The following DYSF variants were observed in gnomAD, a reference collection of about 807,000 sequenced individuals.
The protein encoded by DYSF is dysferlin.
In DYSF, 212 loss-of-function variants were observed where a neutral mutation model predicts 274.9. The observed-to-expected ratio is 0.77, with a 90% CI of 0.69 to 0.86. The LOEUF (loss-of-function observed/expected upper bound fraction) is 0.86, where lower values mean the gene tolerates loss of function less well. Among genes scored for constraint, DYSF ranks in the 40% least tolerant of loss-of-function variants. The pLI is 0.00. For synonymous variants in DYSF, 1,091 were observed against 1,078.7 expected (o/e 1.01, Z -0.22); for missense variants, 2,666 against 2,783.2 (o/e 0.96, Z 0.95).
At chr2:71,519,338 G>C (rs1258663818) in intron 10 of DYSF, among the ~76,000 whole-genome samples, 1 of 151,756 alleles carries the variant, frequency 6.6e-6, no homozygotes, top group Non-Finnish European at 1.5e-5. Context: ...AGAACCCAAG[G>C]GTTAAGTCAA....
chr2:71,548,328 T>C (rs545433752), intron 17 of DYSF, among the ~76,000 whole-genome samples: 114 of 152,342 alleles, frequency 7.5e-4, no homozygotes, highest in African/African-American at 2.5e-3. Flanking sequence ...GACTTCTGAC[T>C]GCAGTCACAG....
chr2:71,528,979 C>T (rs2088317421), intron 14 of DYSF, among the ~76,000 whole-genome samples: 1 of 152,040 alleles, frequency 6.6e-6, no homozygotes, highest in Non-Finnish European at 1.5e-5. Context: ...CCTGGCAGCC[C>T]CAGCCCTCCC....
At chr2:71,657,744 C>T (rs565901104) in intron 43 of DYSF, among the ~76,000 whole-genome samples, 75 of 152,130 alleles carry the variant, frequency 4.9e-4, no homozygotes, top group Middle Eastern at 3.4e-3. Flanking sequence ...CTTTCAGCCA[C>T]GGTTGGAGCA....
intron 3 of DYSF, among the ~76,000 whole-genome samples, chr2:71,483,565 G>A (rs1318113866): frequency 6.6e-6 from 1 of 152,204 alleles, no homozygotes; most frequent in Admixed American, 6.5e-5. Context: ...GTGAGAAGTG[G>A]GTGGTGGGGA....
At chr2:71,466,110 C>T (rs1002511041), upstream of DYSF, among the ~76,000 whole-genome samples, 1 of 152,158 alleles carries the variant, frequency 6.6e-6, no homozygotes, top group African/African-American at 2.4e-5. Flanking sequence ...ACCCGGGGGT[C>T]CCAGCAAACC....
At chr2:71,623,396 AT>A (rs1431564813) in intron 41 of DYSF, among the ~76,000 whole-genome samples, 1 of 142,762 alleles carries the variant, frequency 7.0e-6, no homozygotes, top group African/African-American at 2.7e-5. Context: ...TCATTGTTCA[AT>A]TCCCACCTAT....
chr2:71,554,048 A>G (rs1272485522), intron 21 of DYSF, 117 bp downstream of exon 21: 2 of 1,498,316 alleles, frequency 1.3e-6, no homozygotes, highest in African/African-American at 1.4e-5. Flanking sequence ...GGCTGTGCCT[A>G]CTGACCTTTG....
chr2:71,607,265 A>G (rs1314858328), intron 36 of DYSF, among the ~76,000 whole-genome samples: 1 of 152,188 alleles, frequency 6.6e-6, no homozygotes, highest in Non-Finnish European at 1.5e-5. Context: ...TCCAAGCCTC[A>G]AAGCTAAAAG....
intron 46 of DYSF, 64 bp from the exon 47 acceptor site, chr2:71,665,098 A>C: frequency 6.2e-7 from 1 of 1,608,900 alleles, no homozygotes; most frequent in East Asian, 2.2e-5. Flanking sequence ...CAGTCCCTGC[A>C]TGCCCCTCTA....
intron 22 of DYSF, among the ~76,000 whole-genome samples, chr2:71,560,859 G>GTGACT (rs1302556291): frequency 6.6e-6 from 1 of 152,118 alleles, no homozygotes; most frequent in Non-Finnish European, 1.5e-5. Flanking sequence ...AGTCAAGGGG[G>GTGACT]TGAGGTGGGG....
intron 53 of DYSF, 95 bp from the exon 54 acceptor site, chr2:71,680,906 A>T: frequency 3.2e-6 from 3 of 950,316 alleles, no homozygotes; most frequent in Admixed American, 2.1e-5. Context: ...TTTTTAAATA[A>T]TGAAGTGGCC....
chr2:71,581,614 C>T (rs906775431), intron 30 of DYSF, among the ~76,000 whole-genome samples: 1 of 152,202 alleles, frequency 6.6e-6, no homozygotes, highest in African/African-American at 2.4e-5. Flanking sequence ...GTGCTTTGAG[C>T]TCTGATGGGG....
chr2:71,469,739 A>T (rs1390769701), intron 1 of DYSF, among the ~76,000 whole-genome samples: 1 of 152,140 alleles, frequency 6.6e-6, no homozygotes, highest in Non-Finnish European at 1.5e-5. Flanking sequence ...AATACTTCTC[A>T]TTCTTTTGTT....
At chr2:71,666,088 G>A (rs2094999022) in intron 47 of DYSF, among the ~76,000 whole-genome samples, 2 of 149,100 alleles carry the variant, frequency 1.3e-5, no homozygotes, top group Admixed American at 1.3e-4. Flanking sequence ...CCAGGTCATG[G>A]CTGAGCCAGG....
At chr2:71,517,955 G>A (rs1416248167) in intron 10 of DYSF, among the ~76,000 whole-genome samples, 3 of 152,154 alleles carry the variant, frequency 2.0e-5, no homozygotes, top group African/African-American at 7.2e-5. Context: ...CTCTGGGAAG[G>A]CCGTGTGAGA....
chr2:71,454,949 G>GTT (rs2080994053), intron 1 of DYSF, among the ~76,000 whole-genome samples: 1 of 152,122 alleles, frequency 6.6e-6, no homozygotes, highest in South Asian at 2.1e-4. Context: ...GAAGAACTAG[G>GTT]GGGAAAGAGT....
At position 71,653,713 on chromosome 2, in the gene DYSF, T is replaced by A. The variant is rs1185200905; in HGVS notation, c.4627-2449T>A. On this transcript the variant is annotated intron_variant, in intron 42 of 55. Transcript: ENST00000410020. ...ATTAGGAGATACACCTAATGTTAAA[T>A]GAAGAGTTAATGGGTGCAGCACACC... is the stretch of plus-strand genomic sequence containing the variant. 6.7e-5 allele frequency among the ~76,000 whole-genome samples: 10 copies of A among 150,356 alleles called. No individual in the cohort carries two copies. In the East Asian group the frequency reaches 2.0e-3, roughly 30 times the overall value.
chr2:71,474,787 A>T (rs1261934775), intron 1 of DYSF, among the ~76,000 whole-genome samples: 2 of 152,150 alleles, frequency 1.3e-5, no homozygotes, highest in East Asian at 1.9e-4. Context: ...TGATTAAAAG[A>T]TATTTAGCAC....
intron 13 of DYSF, among the ~76,000 whole-genome samples, chr2:71,526,601 G>A (rs989666888): frequency 1.3e-5 from 2 of 152,230 alleles, no homozygotes; most frequent in Non-Finnish European, 2.9e-5. Flanking sequence ...CCACTCTGTG[G>A]ACCCATTTTC....
Sources: allele counts gnomAD v4.1 joint callset (sites outside exome capture counted in the v4.1 genomes callset), GRCh38; gene constraint gnomAD v4.1.1; transcripts MANE v1.5; gene names NCBI Gene and HGNC (gene_info 2026-07-23, HGNC 2026-07-21).